Variants in KLHL25 observed in about 807,000 individuals in gnomAD.
KLHL25 encodes the protein kelch like family member 25.
A neutral mutation model predicts 30.0 loss-of-function variants in KLHL25; 41 were observed. That is an observed-to-expected ratio of 1.37 (90% CI 1.07 to 1.78). The LOEUF is 1.78. Among genes scored for constraint, KLHL25 ranks in the 40% most tolerant of loss-of-function variants. The pLI is 0.00. For missense variants in KLHL25, 971 were observed against 824.5 expected (o/e 1.18, Z -2.18); for synonymous variants, 399 against 355.3 (o/e 1.12, Z -1.38).
intron 1 of KLHL25, among the ~76,000 whole-genome samples, chr15:85,770,214 G>T (rs1465341179): frequency 1.3e-5 from 2 of 152,222 alleles, no homozygotes; most frequent in African/African-American, 4.8e-5. Context: ...CCACTCTCAT[G>T]ACAGTCCTCT....
At position 85,768,958 on chromosome 15, in the gene KLHL25, TG is replaced by T; in HGVS notation, c.852del (p.Ser285AlafsTer60). 1.2e-6 allele frequency: 2 copies of T among 1,613,230 alleles called. No individual in the cohort carries two copies. The highest frequency in any genetic ancestry group is 1.7e-6 in the Non-Finnish European group (2 of 1,180,028). On this transcript the variant is annotated frameshift_variant, in exon 2 of 3. Coordinates refer to ENST00000337975, the MANE Select transcript of KLHL25 (RefSeq NM_022480.4). LOFTEE classifies it high-confidence loss of function. ...TRILQNDGVV[T>X]SPCARPRKAG... ...GCCTTGCGTGGCCGGGCACAGGGGCTGGTGACCACGCCATCATTCTGCAGGA... is the reference window on the plus strand; with the variant it reads ...GCCTTGCGTGGCCGGGCACAGGGGCTGTGACCACGCCATCATTCTGCAGGA...
intron 1 of KLHL25, among the ~76,000 whole-genome samples, chr15:85,784,864 A>G (rs1366513708): frequency 6.6e-6 from 1 of 152,224 alleles, no homozygotes; most frequent in Non-Finnish European, 1.5e-5. Flanking sequence ...TCCAGCCTAC[A>G]GAACTGTGCA....
At chr15:85,777,065 C>T (rs529140697) in intron 1 of KLHL25, among the ~76,000 whole-genome samples, 3 of 152,366 alleles carry the variant, frequency 2.0e-5, no homozygotes, top group African/African-American at 4.8e-5. Context: ...CAGCCTCACC[C>T]CAGCTTCCTT....
intron 1 of KLHL25, among the ~76,000 whole-genome samples, chr15:85,784,409 T>A (rs1471615489): frequency 6.6e-6 from 1 of 152,126 alleles, no homozygotes; most frequent in Non-Finnish European, 1.5e-5. Flanking sequence ...CACACACCTG[T>A]AATCCCAGCT....
intron 1 of KLHL25, among the ~76,000 whole-genome samples, chr15:85,776,758 T>C (rs2089711884): frequency 6.6e-6 from 1 of 151,502 alleles, no homozygotes; most frequent in Non-Finnish European, 1.5e-5. Flanking sequence ...ACCCTGCCTC[T>C]ACTAAAAATA....
At chr15:85,782,482 C>T (rs756784213) in intron 1 of KLHL25, among the ~76,000 whole-genome samples, 4 of 151,830 alleles carry the variant, frequency 2.6e-5, no homozygotes, top group African/African-American at 4.8e-5. Context: ...GTCCCACCCC[C>T]AGCCCCTCTT....
chr15:85,771,461 T>C (rs2089671865), intron 1 of KLHL25, among the ~76,000 whole-genome samples: 1 of 152,228 alleles, frequency 6.6e-6, no homozygotes. Flanking sequence ...TTCAGTGAAA[T>C]TGTAAATGAG....
At chr15:85,784,813 T>G (rs2252527) in intron 1 of KLHL25, among the ~76,000 whole-genome samples, 53,998 of 152,016 alleles carry the variant, frequency 0.36, 9,919 homozygotes, top group South Asian at 0.46. Flanking sequence ...TTTGGACTTG[T>G]GAGACCCTAA....
intron 1 of KLHL25, among the ~76,000 whole-genome samples, chr15:85,788,248 C>G (rs917435236): frequency 2.0e-5 from 3 of 152,190 alleles, no homozygotes; most frequent in African/African-American, 7.2e-5. Flanking sequence ...AGCCTTTGCA[C>G]GAGCTGTGCT....
chr15:85,776,001 G>A (rs186736440), intron 1 of KLHL25, among the ~76,000 whole-genome samples: 303 of 146,768 alleles, frequency 2.1e-3, no homozygotes, highest in African/African-American at 7.3e-3. Flanking sequence ...GTGAAACCCC[G>A]TCTCTACTAA....
chr15:85,770,948 AAGGCTC>A (rs1305654716), intron 1 of KLHL25: 2 of 225,408 alleles, frequency 8.9e-6, no homozygotes, highest in African/African-American at 4.7e-5. Context: ...CTTTGAACTC[AAGGCTC>A]AGCCAACAGG....
rs768124038 is a variant in KLHL25 at position 85,769,821 on chromosome 15, C to T, written c.-10-1G>A. On this transcript the variant is annotated splice_acceptor_variant, in intron 1 of 2. Transcript: ENST00000337975. LOFTEE classifies it low-confidence loss of function (5UTR_SPLICE). Reference sequence around the variant, plus strand: ...GACACTGACCGACATGGTGCGTCAGCTTGTGGGGGAACAAGCCCACAGGTT... The same window carrying T: ...GACACTGACCGACATGGTGCGTCAGTTTGTGGGGGAACAAGCCCACAGGTT... The T allele has an allele frequency of 1.2e-4, 190 of 1,596,730 alleles. No individual in the cohort carries two copies. The highest frequency in any genetic ancestry group is 1.5e-4 in the Non-Finnish European group (177 of 1,173,262).
chr15:85,786,723 G>C (rs1445962428), intron 1 of KLHL25, among the ~76,000 whole-genome samples: 8 of 152,232 alleles, frequency 5.3e-5, no homozygotes, highest in Non-Finnish European at 1.2e-4. Flanking sequence ...CAGCTCCACT[G>C]CACAAGGGCA....
chr15:85,761,769 G>A lies in KLHL25; in HGVS notation c.*25-758C>T, dbSNP rs2151803772. On this transcript the variant is annotated intron_variant, in intron 2 of 2. Transcript: ENST00000337975. ...GCGGAGCACTCTAGCAACCCTGAGT[G>A]TTCATGCACTCCATAAGGCAAGGAG... 2.6e-5 allele frequency: 4 copies of A among 152,378 alleles called. No homozygotes were observed. The South Asian group carries it at 8.3e-4, about 32-fold the overall frequency. The allele number at this position is 152,378 out of a possible 1,614,324, so 9.4% of individuals were successfully genotyped here. A position where few individuals can be genotyped will look rare whatever the true frequency, so the allele number is the denominator to read the frequency against.
At chr15:85,787,012 A>G (rs2089785476) in intron 1 of KLHL25, among the ~76,000 whole-genome samples, 1 of 152,162 alleles carries the variant, frequency 6.6e-6, no homozygotes, top group Admixed American at 6.5e-5. Flanking sequence ...GCACTCAATA[A>G]ACTTTGATCT....
intron 1 of KLHL25, among the ~76,000 whole-genome samples, chr15:85,786,022 A>G (rs1292081860): frequency 8.2e-6 from 1 of 121,764 alleles, no homozygotes; most frequent in Non-Finnish European, 1.6e-5. Context: ...TGCTTCCCTT[A>G]CTCTCTTAAT....
chr15:85,768,521 C>CA lies in KLHL25; in HGVS notation c.1289dup (p.Leu430PhefsTer37). The CA allele has an allele frequency of 6.2e-7, 1 of 1,613,748 alleles. No individual in the cohort carries two copies. The highest frequency in any genetic ancestry group is 8.5e-7 in the Non-Finnish European group (1 of 1,179,944). ...CTGCGGCATTGCTGACGCCATCCCG[C>CA]AAGGGGGCCACCATCATCCACTTGT... On this transcript the variant is annotated frameshift_variant, in exon 2 of 3. Coordinates refer to ENST00000337975, the MANE Select transcript of KLHL25 (RefSeq NM_022480.4). LOFTEE classifies it high-confidence loss of function.
chr15:85,782,502 C>T (rs780721811), intron 1 of KLHL25, among the ~76,000 whole-genome samples: 1 of 151,446 alleles, frequency 6.6e-6, no homozygotes, highest in Admixed American at 6.6e-5. Flanking sequence ...TCCTCCCTCT[C>T]TCGGCTTTAG....
In KLHL25 at chr15:85,789,484, G is replaced by A. The variant is rs1047306451; in HGVS notation, c.-11+5282C>T. Among the ~76,000 whole-genome samples, 2 of 151,998 alleles carry A rather than the reference G, an allele frequency of 1.3e-5. No individual in the cohort carries two copies. The highest frequency in any genetic ancestry group is 2.9e-5 in the Non-Finnish European group (2 of 68,006). The stretch of plus-strand genomic sequence containing the variant: ...CAACTTCTGCCTCCGGGGTTCAAGC[G>A]ATTCTCCTGTCTCAGCCTCCCAAGT... On this transcript the variant is annotated intron_variant, in intron 1 of 2. Coordinates refer to ENST00000337975, the MANE Select transcript of KLHL25 (RefSeq NM_022480.4). This position sits in a 1 kb window ranked among gnomAD's most constrained non-coding sequence, Gnocchi z 4.1.
Sources: gnomAD v4.1 joint callset for allele counts (sites outside exome capture counted in the v4.1 genomes callset) on GRCh38, gnomAD v4.1.1 for gene constraint, Gnocchi (gnomAD v3.1) non-coding constraint, MANE v1.5 for transcripts, NCBI Gene and HGNC (gene_info 2026-07-23, HGNC 2026-07-21) for gene names.